The following DPH6 variants were observed in gnomAD, a reference collection of about 807,000 sequenced individuals.
DPH6 encodes diphthine--ammonia ligase.
Under a neutral mutation model 38.2 loss-of-function variants are expected in DPH6, and 33 were observed. That is an observed-to-expected ratio of 0.86 (90% CI 0.65 to 1.15). The LOEUF (loss-of-function observed/expected upper bound fraction) is 1.15. Among genes scored for constraint, DPH6 ranks in the 50% most tolerant of loss-of-function variants. DPH6 has a pLI of 0.00. For missense variants in DPH6, 325 were observed against 320.0 expected, an observed-to-expected ratio of 1.02 and a Z score of -0.12; for synonymous variants, 108 against 103.0, an observed-to-expected ratio of 1.05 and a Z score of -0.30.
In DPH6 at chr15:35,337,753, G is replaced by A. The variant is rs186941038; in HGVS notation, n.208-6676C>T. On this transcript the variant is annotated intron_variant and non_coding_transcript_variant, in intron 3 of 3. Transcript: ENST00000558973. ...ATCCGAAGCCAAAAGAACAAAGCTG[G>A]AGGTATCACACTACCTGACTTCAAA... Among the ~76,000 whole-genome samples, 91 of 152,210 alleles carry A rather than the reference G, an allele frequency of 6.0e-4. 1 individual carries two copies. The East Asian group carries it at 0.017, about 28-fold the overall frequency.
At chr15:35,306,582 A>G (rs1359089341) in intron 3 of DPH6, among the ~76,000 whole-genome samples, 3 of 152,236 alleles carry the variant, frequency 2.0e-5, no homozygotes, top group Non-Finnish European at 4.4e-5. Context: ...TATTGCCTTA[A>G]CACAAATTGT....
chr15:35,523,240 CTT>C lies in DPH6; in HGVS notation c.312+15032_312+15033del, dbSNP rs35551024. ...TTTTGAGTTAGTGAAGTTACACATT[CTT>C]TTTTTTTTTTTTTTTTTGGTCATTT... On this transcript the variant is annotated intron_variant, in intron 3 of 8. Coordinates refer to ENST00000256538, the MANE Select transcript of DPH6 (RefSeq NM_080650.4). Among the ~76,000 whole-genome samples the C allele has an allele frequency of 2.6e-3, 256 of 100,050 alleles. 1 individual carries two copies. Among genetic ancestry groups the C allele is most frequent in the African/African-American group, 5.2e-3 (136 of 26,022 alleles). The allele number at this position is 100,050 out of a possible 152,430, so 65.6% of individuals were successfully genotyped here. A position where few individuals can be genotyped will look rare whatever the true frequency, so the allele number is the denominator to read the frequency against.
intron 6 of DPH6, among the ~76,000 whole-genome samples, chr15:35,396,976 T>C (rs1161374160): frequency 6.6e-6 from 1 of 152,212 alleles, no homozygotes. Flanking sequence ...TTGTCAAACC[T>C]ATAAGGAAGA....
chr15:35,349,423 G>GC (rs1446443878), intron 3 of DPH6, among the ~76,000 whole-genome samples: 1 of 151,922 alleles, frequency 6.6e-6, no homozygotes, highest in Non-Finnish European at 1.5e-5. Context: ...TACGTGCATT[G>GC]TTTGTTTTTT....
intron 6 of DPH6, among the ~76,000 whole-genome samples, chr15:35,382,329 G>A (rs1595515732): frequency 1.3e-5 from 2 of 152,260 alleles, no homozygotes; most frequent in Non-Finnish European, 1.5e-5. Context: ...CCAGCTACTC[G>A]GGAGGCCGAG....
chr15:35,164,898 G>A, the DPH6 span, among the ~76,000 whole-genome samples: 1 of 151,838 alleles, frequency 6.6e-6, no homozygotes, highest in African/African-American at 2.4e-5. Context: ...GCCACTATAG[G>A]TGTTTGCTAG....
intron 5 of DPH6, among the ~76,000 whole-genome samples, chr15:35,421,606 A>T (rs1341843001): frequency 6.6e-6 from 1 of 152,138 alleles, no homozygotes; most frequent in Non-Finnish European, 1.5e-5. Flanking sequence ...TTCCTGAAAC[A>T]TTTTCCTAAT....
chr15:35,319,495 C>T (rs548677680), intron 3 of DPH6, among the ~76,000 whole-genome samples: 2 of 152,226 alleles, frequency 1.3e-5, no homozygotes, highest in African/African-American at 4.8e-5. Flanking sequence ...AATCCCAGCA[C>T]TTCTGGAGGC....
chr15:35,299,417 T>C (rs373409637), intron 3 of DPH6: 17 of 789,058 alleles, frequency 2.2e-5, no homozygotes, highest in East Asian at 1.7e-4. Context: ...GAGTCACTGG[T>C]TTCCTCTGAT....
At chr15:35,287,300 C>T (rs1279578705) in intron 3 of DPH6, among the ~76,000 whole-genome samples, 1 of 152,112 alleles carries the variant, frequency 6.6e-6, no homozygotes, top group Non-Finnish European at 1.5e-5. Context: ...TTGAAGATTA[C>T]AGACAGGAGG....
intron 3 of DPH6, among the ~76,000 whole-genome samples, chr15:35,461,320 G>C (rs532825217): frequency 1.3e-5 from 2 of 152,312 alleles, no homozygotes; most frequent in South Asian, 2.1e-4. Context: ...TGATCCTCCT[G>C]CCTTGGCCTC....
At chr15:35,212,389 C>T (rs533297268), downstream of DPH6, among the ~76,000 whole-genome samples, 1 of 152,098 alleles carries the variant, frequency 6.6e-6, no homozygotes, top group Admixed American at 6.5e-5. Flanking sequence ...ATGTTTGATC[C>T]AGGATTATGG....
intron 3 of DPH6, among the ~76,000 whole-genome samples, chr15:35,258,802 C>A (rs1768476191): frequency 6.6e-6 from 1 of 152,038 alleles, no homozygotes; most frequent in African/African-American, 2.4e-5. Context: ...TTCTCCCTCC[C>A]TTATATATTT....
chr15:35,202,706 G>A, the DPH6 span, among the ~76,000 whole-genome samples: 137 of 151,630 alleles, frequency 9.0e-4, no homozygotes, highest in African/African-American at 3.2e-3. Context: ...GTACAGCATC[G>A]TTCTCTAAGA....
At chr15:35,237,392 G>A in intron 3 of DPH6, 4 of 1,604,112 alleles carry the variant, frequency 2.5e-6, no homozygotes, top group Admixed American at 1.7e-5. Context: ...GAAAGAACTT[G>A]TCCTGGACAA....
chr15:35,196,242 G>C, the DPH6 span, among the ~76,000 whole-genome samples: 1 of 152,200 alleles, frequency 6.6e-6, no homozygotes. Flanking sequence ...ATGATCACTA[G>C]TGAAAATAGG....
At chr15:35,207,750 T>C in the DPH6 span, among the ~76,000 whole-genome samples, 2 of 152,210 alleles carry the variant, frequency 1.3e-5, no homozygotes, top group Admixed American at 1.3e-4. Context: ...CCAAACTAAT[T>C]TTCTTCTTAG....
At chr15:35,423,840 T>C (rs2053536215) in intron 5 of DPH6, among the ~76,000 whole-genome samples, 1 of 151,726 alleles carries the variant, frequency 6.6e-6, no homozygotes, top group South Asian at 2.1e-4. Context: ...CCATTCCCAT[T>C]GTATGTTTTG....
chr15:35,304,703 T>G (rs569195883), intron 3 of DPH6, among the ~76,000 whole-genome samples: 6 of 152,122 alleles, frequency 3.9e-5, no homozygotes, highest in South Asian at 4.1e-4. Context: ...TTATTTTTAT[T>G]TTTGAAGTGA....
Sources: gnomAD v4.1 joint callset for allele counts (sites outside exome capture counted in the v4.1 genomes callset) on GRCh38, gnomAD v4.1.1 for gene constraint, MANE v1.5 for transcripts, NCBI Gene and HGNC (gene_info 2026-07-23, HGNC 2026-07-21) for gene names.